The following UBE2V2 variants were observed in gnomAD, a reference collection of about 807,000 sequenced individuals.
The protein encoded by UBE2V2 is ubiquitin conjugating enzyme E2 V2, also known as ubiquitin-conjugating enzyme E2 variant 2.
UBE2V2 carries 9 observed loss-of-function variants against 17.2 expected under a neutral mutation model. That is an observed-to-expected ratio of 0.52 (90% CI 0.32 to 0.91). The LOEUF (loss-of-function observed/expected upper bound fraction) is 0.91, where lower values mean the gene tolerates loss of function less well. Among genes scored for constraint, UBE2V2 ranks in the 40% least tolerant of loss-of-function variants. The pLI, the probability that UBE2V2 is intolerant of heterozygous loss-of-function variation, is 0.04. For synonymous variants in UBE2V2, 61 were observed against 57.5 expected (o/e 1.06, Z -0.28); for missense variants, 133 against 182.6 (o/e 0.73, Z 1.56).
At chr8:48,049,752 C>A (rs565812733) in intron 2 of UBE2V2, 101 bp from the exon 3 acceptor site, 5 of 1,052,524 alleles carry the variant, frequency 4.8e-6, no homozygotes, top group Non-Finnish European at 6.8e-6. Context: ...CACTGTCTTA[C>A]GTACATTCAT....
At chr8:48,054,752 G>A (rs2154508089) in intron 3 of UBE2V2, among the ~76,000 whole-genome samples, 1 of 152,270 alleles carries the variant, frequency 6.6e-6, no homozygotes, top group African/African-American at 2.4e-5. Flanking sequence ...CCCTGTGGGT[G>A]GTTAGCACTC....
chr8:48,054,856 C>T (rs1260099804), intron 3 of UBE2V2, among the ~76,000 whole-genome samples: 1 of 151,922 alleles, frequency 6.6e-6, no homozygotes, highest in Non-Finnish European at 1.5e-5. Flanking sequence ...TTTATTCTGA[C>T]ATGATATTTA....
At chr8:48,002,835 G>A in the UBE2V2 span, among the ~76,000 whole-genome samples, 346 of 152,196 alleles carry the variant, frequency 2.3e-3, 2 homozygotes, top group African/African-American at 8.1e-3. Flanking sequence ...AATATGATAC[G>A]TATGGTAATG....
At chr8:48,051,188 C>T (rs1050287330) in intron 3 of UBE2V2, among the ~76,000 whole-genome samples, 2 of 152,136 alleles carry the variant, frequency 1.3e-5, no homozygotes, top group African/African-American at 4.8e-5. Context: ...GCTTGACCCA[C>T]ACAAGTTAGT....
intron 1 of UBE2V2, among the ~76,000 whole-genome samples, chr8:48,009,716 A>T (rs907785226): frequency 6.6e-6 from 1 of 152,244 alleles, no homozygotes; most frequent in Admixed American, 6.5e-5. Flanking sequence ...GTTGCTTTAG[A>T]GTAATACCTC....
In UBE2V2 at chr8:48,063,501, C is replaced by T. The variant is rs1802623898; in HGVS notation, c.*2673C>T. ...TGTTTAAAAGGCTAGCAAGTGAGAC[C>T]CTTGAGGATGATCATATACTAATAA... On this transcript the variant is annotated 3_prime_UTR_variant, in exon 4 of 4. Coordinates refer to ENST00000523111, the MANE Select transcript of UBE2V2 (RefSeq NM_003350.3). 6.6e-6 allele frequency: 1 copy of T among 151,978 alleles called. No homozygotes were observed. Among genetic ancestry groups the T allele is most frequent in the Non-Finnish European group, 1.5e-5 (1 of 67,998 alleles). 9.4% of individuals were successfully genotyped at this position (151,978 alleles called of 1,614,324 possible).
At chr8:48,000,208 T>C in the UBE2V2 span, among the ~76,000 whole-genome samples, 3 of 152,220 alleles carry the variant, frequency 2.0e-5, no homozygotes, top group African/African-American at 7.2e-5. Context: ...CTGGAATGTA[T>C]GCATGTTGAA....
intron 1 of UBE2V2, among the ~76,000 whole-genome samples, chr8:48,026,992 T>C (rs2091350284): frequency 6.6e-6 from 1 of 152,162 alleles, no homozygotes; most frequent in African/African-American, 2.4e-5. Context: ...AAGGGAGACT[T>C]CTTTTTTTTC....
chr8:48,006,683 C>G (rs2091185063), upstream of UBE2V2, among the ~76,000 whole-genome samples: 2 of 151,968 alleles, frequency 1.3e-5, no homozygotes, highest in Admixed American at 1.3e-4. Context: ...GAACCAATGA[C>G]AAAAACCACA....
chr8:48,032,348 A>C (rs766471168), intron 1 of UBE2V2, among the ~76,000 whole-genome samples: 16 of 152,204 alleles, frequency 1.1e-4, no homozygotes, highest in Admixed American at 2.0e-4. Flanking sequence ...CAGCAAAAGA[A>C]TATTACCTTC....
Position 48,064,329 on chromosome 8 carries a change from C to T in UBE2V2, c.*3501C>T. 1 of 152,124 alleles carries T rather than the reference C, an allele frequency of 6.6e-6. No individual in the cohort carries two copies. Among genetic ancestry groups the T allele is most frequent in the East Asian group, 1.9e-4 (1 of 5,198 alleles). The allele number at this position is 152,124 out of a possible 1,614,324, so 9.4% of individuals were successfully genotyped here. A position where few individuals can be genotyped will look rare whatever the true frequency, so the allele number is the denominator to read the frequency against. On this transcript the variant is annotated 3_prime_UTR_variant, in exon 4 of 4. Transcript: ENST00000523111. ...TGACTGGCTTTTAATTATTGTCACA[C>T]ACACACAAAATTCAACTCCTCAAGG...
At chr8:48,003,307 T>A in the UBE2V2 span, among the ~76,000 whole-genome samples, 1 of 151,922 alleles carries the variant, frequency 6.6e-6, no homozygotes, top group East Asian at 1.9e-4. Context: ...GGATGAGCAC[T>A]GGGAATTAAC....
intron 3 of UBE2V2, among the ~76,000 whole-genome samples, chr8:48,055,803 C>T (rs927411762): frequency 1.1e-4 from 16 of 148,430 alleles, no homozygotes; most frequent in African/African-American, 2.7e-4. Flanking sequence ...CTCACTCTGT[C>T]GCCCAGGCTG....
At chr8:48,016,058 C>T (rs1381735239) in intron 1 of UBE2V2, among the ~76,000 whole-genome samples, 3 of 151,780 alleles carry the variant, frequency 2.0e-5, no homozygotes, top group South Asian at 2.1e-4. Flanking sequence ...CCGCCAAGCC[C>T]GGCTAATTTT....
rs1027218657 is a variant in UBE2V2, at chr8:48,064,624, A to T, written c.*3796A>T. The T allele has an allele frequency of 6.6e-6, 1 of 152,116 alleles. No homozygotes were observed. The highest frequency in any genetic ancestry group is 1.5e-5 in the Non-Finnish European group (1 of 68,032). The allele number at this position is 152,116 out of a possible 1,614,324, so 9.4% of individuals were successfully genotyped here. A position where few individuals can be genotyped will look rare whatever the true frequency, so the allele number is the denominator to read the frequency against. On this transcript the variant is annotated 3_prime_UTR_variant, in exon 4 of 4. Coordinates refer to ENST00000523111, the MANE Select transcript of UBE2V2 (RefSeq NM_003350.3). ...CACAATAAGTATTTTCTGAAGAGAA[A>T]ATTAATGAAGGTATTTAATGATATA...
At chr8:48,036,769 A>G (rs2091427910) in intron 1 of UBE2V2, among the ~76,000 whole-genome samples, 1 of 152,056 alleles carries the variant, frequency 6.6e-6, no homozygotes, top group African/African-American at 2.4e-5. Context: ...GTTGATACAT[A>G]ATATTTTACA....
chr8:48,020,460 CTA>C (rs2091297443), intron 1 of UBE2V2, among the ~76,000 whole-genome samples: 2 of 152,164 alleles, frequency 1.3e-5, no homozygotes, highest in South Asian at 2.1e-4. Context: ...TTCAGTCACT[CTA>C]TGTCTTGATT....
rs1187071140 is a variant in UBE2V2, at chr8:48,062,602, AAAG to A, written c.*1777_*1779del. 1.3e-5 allele frequency: 2 copies of A among 151,972 alleles called. No individual in the cohort carries two copies. The highest frequency in any genetic ancestry group is 2.9e-5 in the Non-Finnish European group (2 of 68,020). 9.4% of individuals were successfully genotyped at this position (151,972 alleles called of 1,614,324 possible). A position where few individuals can be genotyped will look rare whatever the true frequency, so the allele number is the denominator to read the frequency against. On this transcript the variant is annotated 3_prime_UTR_variant, in exon 4 of 4. Coordinates refer to ENST00000523111, the MANE Select transcript of UBE2V2 (RefSeq NM_003350.3). ...GACTCCATCTCAAAAAAAAAAAAAAAAAGAAAAATATTAATAATTGACCTTGGC... is the reference window on the plus strand; with the variant it reads ...GACTCCATCTCAAAAAAAAAAAAAAAAAAAATATTAATAATTGACCTTGGC...
rs1005193833 is a variant in UBE2V2 at position 48,064,481 on chromosome 8, T to C, written c.*3653T>C. On this transcript the variant is annotated 3_prime_UTR_variant, in exon 4 of 4. Coordinates refer to ENST00000523111, the MANE Select transcript of UBE2V2 (RefSeq NM_003350.3). ...ACTGAGTTTACTGTAAAATAGGAAA[T>C]GCATAGGAAGGAATACCTCCTAAAT... 3 of 152,176 alleles carry C rather than the reference T, an allele frequency of 2.0e-5. No individual in the cohort carries two copies. The highest frequency in any genetic ancestry group is 2.9e-5 in the Non-Finnish European group (2 of 68,024). 9.4% of individuals were successfully genotyped at this position (152,176 alleles called of 1,614,324 possible).
Sources: gnomAD v4.1 joint callset for allele counts (sites outside exome capture counted in the v4.1 genomes callset) on GRCh38, gnomAD v4.1.1 for gene constraint, MANE v1.5 for transcripts, NCBI Gene and HGNC (gene_info 2026-07-23, HGNC 2026-07-21) for gene names.